PPP4R4: variants seen among roughly 807,000 people sequenced by gnomAD.
The protein encoded by PPP4R4 is serine/threonine-protein phosphatase 4 regulatory subunit 4.
In PPP4R4, 70 loss-of-function variants were observed where a neutral mutation model predicts 121.8. That is an observed-to-expected ratio of 0.57 (90% CI 0.47 to 0.70). The LOEUF (loss-of-function observed/expected upper bound fraction) is 0.70, where lower values mean the gene tolerates loss of function less well. PPP4R4 is among the 30% of genes least tolerant of loss of function. The pLI, the probability that PPP4R4 is intolerant of heterozygous loss-of-function variation, is 0.00. For synonymous variants in PPP4R4, 348 were observed against 355.7 expected (o/e 0.98, Z 0.24); for missense variants, 875 against 1,033.6 (o/e 0.85, Z 2.10).
chr14:94,240,832 AT>A (rs1441066005), intron 9 of PPP4R4, 37 bp downstream of exon 9: 2 of 1,454,034 alleles, frequency 1.4e-6, no homozygotes, highest in Non-Finnish European at 1.8e-6. Context: ...ACTGTAGATA[AT>A]TTTTCCCTTT....
intron 8 of PPP4R4, among the ~76,000 whole-genome samples, chr14:94,239,886 G>A (rs1892536675): frequency 6.6e-6 from 1 of 152,008 alleles, no homozygotes; most frequent in Admixed American, 6.6e-5. Flanking sequence ...TAGTTACAAG[G>A]CTTGTTCTGT....
chr14:94,258,766 A>T lies in PPP4R4; in HGVS notation c.2011-17A>T, dbSNP rs553488559. On this transcript the variant is annotated splice_polypyrimidine_tract_variant and intron_variant, in intron 17 of 24. Coordinates refer to ENST00000304338, the MANE Select transcript of PPP4R4 (RefSeq NM_058237.2). ...AATTTAATTACTTTAGAATAATTTT[A>T]AAAACTTTCCTTATAGACTGTATTA... The T allele has an allele frequency of 5.2e-6, 8 of 1,535,664 alleles. No individual in the cohort carries two copies. The South Asian group carries it at 6.9e-5, about 13-fold the overall frequency.
At chr14:94,256,847 CAT>C (rs368156318) in intron 17 of PPP4R4, among the ~76,000 whole-genome samples, 74 of 152,208 alleles carry the variant, frequency 4.9e-4, no homozygotes, top group Middle Eastern at 3.4e-3. Flanking sequence ...GAGTTTGACA[CAT>C]GTTAGGTGCT....
At chr14:94,241,509 A>G (rs982423268) in intron 9 of PPP4R4, among the ~76,000 whole-genome samples, 2 of 152,058 alleles carry the variant, frequency 1.3e-5, no homozygotes, top group South Asian at 2.1e-4. Context: ...GTGGCCTACA[A>G]TATGATACAT....
intron 3 of PPP4R4, among the ~76,000 whole-genome samples, chr14:94,219,044 G>T (rs1406444565): frequency 6.7e-6 from 1 of 150,242 alleles, no homozygotes; most frequent in African/African-American, 2.4e-5. Flanking sequence ...CACAAGAAAT[G>T]GTAAAGGAAA....
chr14:94,212,487 G>A (rs551141092), intron 3 of PPP4R4, among the ~76,000 whole-genome samples: 23 of 152,250 alleles, frequency 1.5e-4, no homozygotes, highest in African/African-American at 5.3e-4. Context: ...TGGTAGTGCA[G>A]TTAGGCCACT....
intron 2 of PPP4R4, among the ~76,000 whole-genome samples, chr14:94,180,958 G>T (rs1395315254): frequency 6.6e-6 from 1 of 152,012 alleles, no homozygotes; most frequent in African/African-American, 2.4e-5. Context: ...CTTCTTCTTG[G>T]GTTCAAGACT....
intron 2 of PPP4R4, among the ~76,000 whole-genome samples, chr14:94,202,437 A>C (rs1290944285): frequency 6.6e-6 from 1 of 152,226 alleles, no homozygotes; most frequent in Admixed American, 6.5e-5. Context: ...AAAATAAAGA[A>C]GTGGTAATGG....
chr14:94,242,733 T>C (rs1892698658), intron 11 of PPP4R4, among the ~76,000 whole-genome samples: 1 of 152,176 alleles, frequency 6.6e-6, no homozygotes. Context: ...TTATAATATT[T>C]ACAGTTAACT....
intron 23 of PPP4R4, among the ~76,000 whole-genome samples, chr14:94,271,121 C>G (rs547858448): frequency 7.2e-5 from 11 of 152,234 alleles, no homozygotes; most frequent in African/African-American, 2.2e-4. Flanking sequence ...TACCAATTAT[C>G]TACAATCTCT....
chr14:94,251,562 G>A (rs1893179900), intron 15 of PPP4R4, among the ~76,000 whole-genome samples, 187 bp from the exon 16 acceptor site: 1 of 152,024 alleles, frequency 6.6e-6, no homozygotes, highest in South Asian at 2.1e-4. Flanking sequence ...TATGGTTTTT[G>A]AGGTGTCATT....
In PPP4R4 at chr14:94,268,118, G is replaced by T. The variant is rs75102326; in HGVS notation, c.2449+1089G>T. Among the ~76,000 whole-genome samples, 970 of 152,302 alleles carry T rather than the reference G, an allele frequency of 6.4e-3. 10 individuals are homozygous for T. Among genetic ancestry groups the T allele is most frequent in the African/African-American group, 0.021 (865 of 41,572 alleles). ...TGATTACTTTCAGCTCAGTAAAGCT[G>T]TGAATTCTTTAGGAGGTACTAAGGA... On this transcript the variant is annotated intron_variant, in intron 23 of 24. Coordinates refer to ENST00000304338, the MANE Select transcript of PPP4R4 (RefSeq NM_058237.2).
intron 3 of PPP4R4, among the ~76,000 whole-genome samples, chr14:94,216,243 C>G (rs2139474654): frequency 6.6e-6 from 1 of 152,306 alleles, no homozygotes; most frequent in African/African-American, 2.4e-5. Context: ...TCCACAAAAT[C>G]CACACAGTCA....
chr14:94,252,997 C>G (rs1445499886), intron 16 of PPP4R4, among the ~76,000 whole-genome samples: 2 of 152,118 alleles, frequency 1.3e-5, no homozygotes, highest in Admixed American at 6.5e-5. Context: ...CAACTTAAGA[C>G]TTTTATGAGC....
intron 2 of PPP4R4, among the ~76,000 whole-genome samples, chr14:94,178,250 T>C (rs1888786096): frequency 6.6e-6 from 1 of 152,160 alleles, no homozygotes; most frequent in African/African-American, 2.4e-5. Flanking sequence ...TGTACTTTGC[T>C]GAGTCCTTTT....
chr14:94,179,713 T>C (rs1209101416), intron 2 of PPP4R4, among the ~76,000 whole-genome samples: 1 of 152,226 alleles, frequency 6.6e-6, no homozygotes, highest in Admixed American at 6.5e-5. Context: ...TTCTTTGAGC[T>C]CCGTTATCAC....
intron 19 of PPP4R4, among the ~76,000 whole-genome samples, chr14:94,261,758 G>T (rs1247360331): frequency 1.3e-5 from 2 of 151,882 alleles, no homozygotes; most frequent in Non-Finnish European, 2.9e-5. Context: ...AGTTTGCTAG[G>T]AGTTTTTATG....
intron 8 of PPP4R4, among the ~76,000 whole-genome samples, chr14:94,240,346 G>A (rs779443984): frequency 5.9e-5 from 9 of 152,104 alleles, no homozygotes; most frequent in Non-Finnish European, 1.2e-4. Flanking sequence ...TTATGTTAAT[G>A]GTGTTAGAAT....
chr14:94,269,015 G>C (rs1398886464), intron 23 of PPP4R4, among the ~76,000 whole-genome samples: 1 of 152,122 alleles, frequency 6.6e-6, no homozygotes, highest in East Asian at 1.9e-4. Context: ...ATATCTCCTA[G>C]AGTTCTTGGT....
Sources: allele counts gnomAD v4.1 joint callset (sites outside exome capture counted in the v4.1 genomes callset), GRCh38; gene constraint gnomAD v4.1.1; transcripts MANE v1.5; gene names NCBI Gene and HGNC (gene_info 2026-07-23, HGNC 2026-07-21).